FTO: variants seen among roughly 807,000 people sequenced by gnomAD.
FTO encodes FTO alpha-ketoglutarate dependent dioxygenase.
FTO carries 47 observed loss-of-function variants against 63.9 expected under a neutral mutation model. The ratio of observed to expected loss-of-function variants is 0.74; its 90% CI spans 0.58 to 0.94. The LOEUF (loss-of-function observed/expected upper bound fraction) is 0.94. Among genes scored for constraint, FTO ranks in the 40% least tolerant of loss-of-function variants. The pLI is 0.00. For missense variants in FTO, 562 were observed against 618.1 expected (o/e 0.91, Z 0.96); for synonymous variants, 207 against 224.4 (o/e 0.92, Z 0.69).
chr16:53,705,956 G>T (rs564734610), intron 1 of FTO, among the ~76,000 whole-genome samples: 6 of 152,146 alleles, frequency 3.9e-5, no homozygotes. Flanking sequence ...GGAGTTACTA[G>T]TGTCATCCAT....
chr16:53,767,123 C>T (rs905697416), intron 1 of FTO, among the ~76,000 whole-genome samples: 1 of 152,170 alleles, frequency 6.6e-6, no homozygotes, highest in African/African-American at 2.4e-5. Flanking sequence ...TGGGCCAGGC[C>T]TCTGTGCTGA....
chr16:53,860,098 T>TAC (rs111659245), intron 4 of FTO, among the ~76,000 whole-genome samples: 2,833 of 152,266 alleles, frequency 0.019, 82 homozygotes, highest in African/African-American at 0.062. Flanking sequence ...TATCTATATC[T>TAC]ACACACACAT....
intron 1 of FTO, among the ~76,000 whole-genome samples, chr16:53,769,502 A>T (rs1306314330): frequency 6.6e-6 from 1 of 152,228 alleles, no homozygotes; most frequent in African/African-American, 2.4e-5. Flanking sequence ...TTTAGAGCAG[A>T]ACTTAGTATA....
At position 53,911,419 on chromosome 16, in the gene FTO, C is replaced by T. The variant is rs1360239441; in HGVS notation, c.1239+22468C>T. ...AGTCAGCGAATGTAATAGTGTCGAA[C>T]CCTGCAGGGAAGTTAAGAAGTGGCC... is the stretch of plus-strand genomic sequence containing the variant. On this transcript the variant is annotated intron_variant, in intron 7 of 8. Transcript: ENST00000471389. 8 of 703,112 alleles carry T rather than the reference C, an allele frequency of 1.1e-5. No individual in the cohort carries two copies. In the Admixed American group the frequency reaches 1.6e-4, roughly 14 times the overall value. 43.6% of individuals were successfully genotyped at this position (703,112 alleles called of 1,614,324 possible).
intron 7 of FTO, chr16:53,923,233 A>G (rs186576755): frequency 6.6e-6 from 1 of 152,224 alleles, no homozygotes; most frequent in Non-Finnish European, 1.5e-5. Flanking sequence ...ACTGTATGTG[A>G]AAGATTTAAG....
At chr16:54,021,973 C>T (rs1412401035) in intron 8 of FTO, among the ~76,000 whole-genome samples, 2 of 152,088 alleles carry the variant, frequency 1.3e-5, no homozygotes, top group Non-Finnish European at 1.5e-5. Flanking sequence ...CAATTTTTCT[C>T]CCAGCCAACC....
At chr16:53,746,681 C>T (rs914391212) in intron 1 of FTO, among the ~76,000 whole-genome samples, 1 of 152,030 alleles carries the variant, frequency 6.6e-6, no homozygotes, top group Non-Finnish European at 1.5e-5. Flanking sequence ...CAAATACTTA[C>T]CATTCCTTTG....
chr16:53,879,737 C>A, intron 5 of FTO, 107 bp from the exon 6 acceptor site: 1 of 1,163,424 alleles, frequency 8.6e-7, no homozygotes, highest in Non-Finnish European at 1.3e-6. Context: ...AGCCATGGGG[C>A]AACAGGTGAA....
intron 6 of FTO, among the ~76,000 whole-genome samples, chr16:53,881,632 T>C (rs2080838792): frequency 6.6e-6 from 1 of 152,240 alleles, no homozygotes; most frequent in African/African-American, 2.4e-5. Flanking sequence ...CTGCAGTCTG[T>C]GAGACCAGCA....
At chr16:54,020,814 A>G (rs2006909) in intron 8 of FTO, among the ~76,000 whole-genome samples, 46,592 of 151,696 alleles carry the variant, frequency 0.31, 7,583 homozygotes, top group South Asian at 0.44. Context: ...TCTACTAACA[A>G]TACAAAAATT....
intron 8 of FTO, among the ~76,000 whole-genome samples, chr16:54,018,410 A>ATAGATAGATAGATAGATAGT (rs1390829658): frequency 2.2e-3 from 302 of 134,434 alleles, no homozygotes; most frequent in Non-Finnish European, 3.9e-3. Context: ...AGATAGATAG[A>ATAGATAGATAGATAGATAGT]TACATACATA....
At chr16:53,921,647 T>TAAATAAAAGTA in intron 7 of FTO, among the ~76,000 whole-genome samples, 1 of 152,290 alleles carries the variant, frequency 6.6e-6, no homozygotes, top group Non-Finnish European at 1.5e-5. Context: ...CGTGGAAGTA[T>TAAATAAAAGTA]TTGGAGAGAA....
intron 8 of FTO, among the ~76,000 whole-genome samples, chr16:54,019,473 A>G (rs2084536760): frequency 6.6e-6 from 1 of 152,224 alleles, no homozygotes; most frequent in African/African-American, 2.4e-5. Context: ...TTTAATGGGC[A>G]TATGCAAAAG....
chr16:53,767,752 T>C (rs2077245828), intron 1 of FTO, among the ~76,000 whole-genome samples: 1 of 152,208 alleles, frequency 6.6e-6, no homozygotes, highest in Non-Finnish European at 1.5e-5. Flanking sequence ...GATCAGATTC[T>C]GAAGATATCT....
At chr16:54,035,960 A>C (rs2084932831) in intron 8 of FTO, among the ~76,000 whole-genome samples, 1 of 152,194 alleles carries the variant, frequency 6.6e-6, no homozygotes. Flanking sequence ...TGGTATAATG[A>C]GCAAACACAG....
At chr16:54,002,955 G>A (rs574618849) in intron 8 of FTO, among the ~76,000 whole-genome samples, 39 of 152,320 alleles carry the variant, frequency 2.6e-4, no homozygotes, top group South Asian at 1.9e-3. Context: ...TCCTCCCCTG[G>A]GGGGCTCTGG....
intron 7 of FTO, among the ~76,000 whole-genome samples, chr16:53,915,858 TTGTC>T (rs1468962488): frequency 2.0e-5 from 3 of 152,182 alleles, no homozygotes; most frequent in African/African-American, 7.2e-5. Flanking sequence ...GGAGAGGCAA[TTGTC>T]TGTCTGAGAT....
At chr16:53,946,471 A>G (rs1439266927) in intron 8 of FTO, among the ~76,000 whole-genome samples, 2 of 152,204 alleles carry the variant, frequency 1.3e-5, no homozygotes, top group Non-Finnish European at 2.9e-5. Context: ...TTCATTTTTT[A>G]TTAAGATATG....
At chr16:54,048,324 C>T (rs987969444) in intron 8 of FTO, among the ~76,000 whole-genome samples, 7 of 149,704 alleles carry the variant, frequency 4.7e-5, no homozygotes. Context: ...TTGGTGATTA[C>T]CATTCAGGTT....
Sources: allele counts gnomAD v4.1 joint callset (sites outside exome capture counted in the v4.1 genomes callset), GRCh38; gene constraint gnomAD v4.1.1; transcripts MANE v1.5; gene names NCBI Gene and HGNC (gene_info 2026-07-23, HGNC 2026-07-21).